DISC1: variants seen among roughly 807,000 people sequenced by gnomAD.
DISC1 encodes the protein disrupted in schizophrenia 1 protein.
A neutral mutation model predicts 84.5 loss-of-function variants in DISC1; 57 were observed. The observed-to-expected ratio is 0.67, with a 90% confidence interval of 0.55 to 0.84. The LOEUF is 0.84. Among genes scored for constraint, DISC1 ranks in the 40% least tolerant of loss-of-function variants. The pLI is 0.00. For synonymous variants in DISC1, 411 were observed against 415.2 expected, an observed-to-expected ratio of 0.99 and a Z score of 0.12; for missense variants, 1,000 against 1,057.8, an observed-to-expected ratio of 0.95 and a Z score of 0.76.
At chr1:231,953,694 A>G (rs1225340457) in intron 9 of DISC1, among the ~76,000 whole-genome samples, 1 of 152,228 alleles carries the variant, frequency 6.6e-6, no homozygotes, top group Non-Finnish European at 1.5e-5. Context: ...TCATAAATGT[A>G]GGCCAGGTCT....
intron 8 of DISC1, among the ~76,000 whole-genome samples, chr1:231,808,121 G>A (rs984165897): frequency 1.3e-5 from 2 of 152,144 alleles, no homozygotes; most frequent in East Asian, 3.8e-4. Context: ...CTGCATGTTA[G>A]GATCATCTGG....
chr1:231,923,560 G>A (rs747900385), intron 9 of DISC1, among the ~76,000 whole-genome samples: 6 of 152,204 alleles, frequency 3.9e-5, no homozygotes, highest in African/African-American at 9.6e-5. Flanking sequence ...ACTGATTGCC[G>A]TAGGCGGATA....
chr1:231,689,169 T>C lies in DISC1; in HGVS notation c.68-4657T>C, dbSNP rs564289735. 2.0e-5 allele frequency among the ~76,000 whole-genome samples: 3 copies of C among 152,338 alleles called. No homozygotes were observed. The East Asian group carries it at 5.8e-4, about 29-fold the overall frequency. On this transcript the variant is annotated intron_variant, in intron 1 of 12. Coordinates refer to ENST00000439617, the MANE Select transcript of DISC1 (RefSeq NM_018662.3). ...AATATATTCCTTTATGCTTCCACTATAAATTTATATGCAAGTCATGTTTTG... is the reference window on the plus strand; with the variant it reads ...AATATATTCCTTTATGCTTCCACTACAAATTTATATGCAAGTCATGTTTTG...
At chr1:231,688,135 A>G (rs1558331814) in intron 1 of DISC1, among the ~76,000 whole-genome samples, 1 of 152,306 alleles carries the variant, frequency 6.6e-6, no homozygotes, top group East Asian at 1.9e-4. Context: ...CTGGGAATAA[A>G]GAGAGAAGAG....
At chr1:231,812,013 G>A (rs1250420206) in intron 8 of DISC1, among the ~76,000 whole-genome samples, 2 of 152,118 alleles carry the variant, frequency 1.3e-5, no homozygotes, top group Admixed American at 6.5e-5. Context: ...CTCAGGTGAA[G>A]GAAGAACTGT....
At chr1:231,955,353 G>C (rs1659251137) in intron 9 of DISC1, among the ~76,000 whole-genome samples, 1 of 152,038 alleles carries the variant, frequency 6.6e-6, no homozygotes, top group Admixed American at 6.6e-5. Context: ...AAAAACTTCT[G>C]AAATTTAACA....
intron 3 of DISC1, among the ~76,000 whole-genome samples, chr1:231,708,974 A>C (rs1263593400): frequency 6.6e-6 from 1 of 152,260 alleles, no homozygotes; most frequent in Non-Finnish European, 1.5e-5. Flanking sequence ...AGAAGAGCAT[A>C]AGCTTGTATA....
intron 1 of DISC1, among the ~76,000 whole-genome samples, chr1:231,658,931 G>C (rs2061354389): frequency 6.6e-6 from 1 of 151,976 alleles, no homozygotes; most frequent in Non-Finnish European, 1.5e-5. Flanking sequence ...ATATCGGCCT[G>C]AGGTTTTCTT....
chr1:232,036,722 A>G lies in DISC1; in HGVS notation c.2456A>G (p.Lys819Arg), dbSNP rs539919975. ...CTCAGGAGGGAGCTCCAGATGGTGA[A>G]GGAAACTCTGCAGGCCATGATCCTG... ...QSLRRELQMV[K>R]ETLQAMILQL... The change falls in exon 13 of 13, where the codon AAG becomes AGG. Residue 819 changes from lysine to arginine, a missense_variant. Around this residue, in one of 3 missense-constraint regions of DISC1, gnomAD observed 397 missense variants for 377.5 expected, o/e 1.05. Coordinates refer to ENST00000439617, the MANE Select transcript of DISC1 (RefSeq NM_018662.3). 6.2e-7 allele frequency: 1 copy of G among 1,605,074 alleles called. No individual in the cohort carries two copies. The highest frequency in any genetic ancestry group is 1.3e-5 in the African/African-American group (1 of 74,928).
chr1:232,008,055 C>G (rs975620571), intron 10 of DISC1, among the ~76,000 whole-genome samples: 1 of 152,166 alleles, frequency 6.6e-6, no homozygotes, highest in East Asian at 1.9e-4. Context: ...TTTCTTGAGG[C>G]CTCCCCAGCC....
At chr1:231,728,073 T>TA (rs2125152881) in intron 3 of DISC1, among the ~76,000 whole-genome samples, 1 of 152,166 alleles carries the variant, frequency 6.6e-6, no homozygotes, top group East Asian at 1.9e-4. Context: ...AAATCAGTTT[T>TA]AAAACTTGAT....
rs564110240 is a variant in DISC1 at position 231,695,718 on chromosome 1, G to A, written c.1047+913G>A. Among the ~76,000 whole-genome samples, 277 of 152,242 alleles carry A rather than the reference G, an allele frequency of 1.8e-3. 2 individuals are homozygous for A. Among genetic ancestry groups the A allele is most frequent in the African/African-American group, 6.4e-3 (266 of 41,542 alleles). On this transcript the variant is annotated intron_variant, in intron 2 of 12. Coordinates refer to ENST00000439617, the MANE Select transcript of DISC1 (RefSeq NM_018662.3). Reference sequence around the variant, plus strand: ...TGTGTGTGTGCACTCATGTGTTTCTGCGTGTGGTGTGTGGATATGTTCATG... The same window carrying A: ...TGTGTGTGTGCACTCATGTGTTTCTACGTGTGGTGTGTGGATATGTTCATG...
chr1:231,734,374 A>G (rs2072174506), intron 3 of DISC1, among the ~76,000 whole-genome samples: 2 of 152,166 alleles, frequency 1.3e-5, no homozygotes, highest in Admixed American at 1.3e-4. Context: ...AGGTGCCCAT[A>G]ATCAAGCTCT....
chr1:231,674,320 T>C (rs1558300633), intron 1 of DISC1, among the ~76,000 whole-genome samples: 1 of 152,216 alleles, frequency 6.6e-6, no homozygotes, highest in Non-Finnish European at 1.5e-5. Flanking sequence ...TTTGAAGCTT[T>C]GTAATTTTGG....
At chr1:231,957,549 TA>T (rs1362849616) in intron 9 of DISC1, among the ~76,000 whole-genome samples, 1 of 152,154 alleles carries the variant, frequency 6.6e-6, no homozygotes, top group Non-Finnish European at 1.5e-5. Context: ...GGCACATAAA[TA>T]TGTATGGGAT....
chr1:231,767,021 C>T (rs2076220907), intron 4 of DISC1, 119 bp from the exon 5 acceptor site: 1 of 1,322,752 alleles, frequency 7.6e-7, no homozygotes, highest in African/African-American at 1.5e-5. Context: ...GGTAAGTACC[C>T]TCCTAAGTAT....
intron 10 of DISC1, among the ~76,000 whole-genome samples, chr1:231,998,523 G>A (rs1666256392): frequency 6.6e-6 from 1 of 152,154 alleles, no homozygotes; most frequent in Admixed American, 6.5e-5. Context: ...ATTATTAAAG[G>A]ATGAGAACTA....
At chr1:232,030,054 C>T (rs909202985) in intron 12 of DISC1, among the ~76,000 whole-genome samples, 2 of 152,160 alleles carry the variant, frequency 1.3e-5, no homozygotes, top group African/African-American at 4.8e-5. Context: ...ACTGTGGCAG[C>T]GAGTGTCTGA....
At chr1:231,980,193 T>A (rs769155898) in intron 10 of DISC1, among the ~76,000 whole-genome samples, 2 of 152,230 alleles carry the variant, frequency 1.3e-5, no homozygotes, top group African/African-American at 4.8e-5. Context: ...TAGCCATAGA[T>A]ATTCATAATC....
Sources: allele counts gnomAD v4.1 joint callset (sites outside exome capture counted in the v4.1 genomes callset), GRCh38; gene constraint gnomAD v4.1.1; regional missense constraint gnomAD v4.1.1; transcripts MANE v1.5; gene names NCBI Gene and HGNC (gene_info 2026-07-23, HGNC 2026-07-21).